SCN9A: variants seen among roughly 807,000 people sequenced by gnomAD.
The protein encoded by SCN9A is sodium channel protein type 9 subunit alpha.
Under a neutral mutation model 187.0 loss-of-function variants are expected in SCN9A, and 131 were observed. That is an observed-to-expected ratio of 0.70 (90% confidence interval 0.61 to 0.81). The LOEUF is 0.81. Ranked by LOEUF, SCN9A falls within the 30% of genes least tolerant of loss-of-function variation. The pLI, the probability that SCN9A is intolerant of heterozygous loss-of-function variation, is 0.00. For synonymous variants in SCN9A, 809 were observed against 808.6 expected (o/e 1.00, Z -0.01); for missense variants, 2,252 against 2,396.6 (o/e 0.94, Z 1.26).
chr2:166,203,836 C>A, intron 26 of SCN9A, 119 bp downstream of exon 26: 1 of 646,686 alleles, frequency 1.5e-6, no homozygotes, highest in Non-Finnish European at 2.6e-6. Context: ...TTCATTCTTT[C>A]ATTGTACTGA....
At chr2:166,204,604 AAT>A (rs1293759189) in intron 24 of SCN9A, 140 bp from the exon 25 acceptor site, 19 of 474,528 alleles carry the variant, frequency 4.0e-5, no homozygotes, top group Non-Finnish European at 6.9e-5. Flanking sequence ...CTATACATAA[AAT>A]ATATCTTAAA....
chr2:166,227,566 T>C, intron 23 of SCN9A, 104 bp downstream of exon 23: 1 of 730,980 alleles, frequency 1.4e-6, no homozygotes, highest in South Asian at 1.5e-5. Context: ...CTTCATTGTC[T>C]ATGTGAGTCC....
At chr2:166,352,741 C>T (rs909365714) in intron 1 of SCN9A, among the ~76,000 whole-genome samples, 6 of 152,110 alleles carry the variant, frequency 3.9e-5, no homozygotes, top group Admixed American at 6.6e-5. Context: ...GAGACTTCCA[C>T]GTTAATCAAA....
chr2:166,311,850 A>T, intron 1 of SCN9A, 44 bp from the exon 2 acceptor site: 1 of 1,244,494 alleles, frequency 8.0e-7, no homozygotes, highest in East Asian at 2.4e-5. Context: ...TTTGCCTGCC[A>T]AGAAAGGCCC....
At chr2:166,270,252 A>G (rs1696915395) in intron 17 of SCN9A, among the ~76,000 whole-genome samples, 1 of 152,176 alleles carries the variant, frequency 6.6e-6, no homozygotes, top group African/African-American at 2.4e-5. Context: ...CAAATAAAAA[A>G]TATAGTAAAA....
chr2:166,196,192 A>T lies in SCN9A; in HGVS notation c.*2480T>A, dbSNP rs1217678009. 1 of 152,174 alleles carries T rather than the reference A, an allele frequency of 6.6e-6. No homozygotes were observed. 9.4% of individuals were successfully genotyped at this position (152,174 alleles called of 1,614,324 possible). On this transcript the variant is annotated 3_prime_UTR_variant, in exon 27 of 27. Coordinates refer to ENST00000642356, the MANE Select transcript of SCN9A (RefSeq NM_001365536.1). ...ATATGACAGTGCCTTCTGAAGGGTG[A>T]AACCATCAGTACAAACAGTAATCTA...
At chr2:166,305,188 G>T (rs574947376) in intron 5 of SCN9A, among the ~76,000 whole-genome samples, 2 of 151,982 alleles carry the variant, frequency 1.3e-5, no homozygotes, top group Non-Finnish European at 2.9e-5. Context: ...CTAGATATGA[G>T]ATTGTAAAAA....
Position 166,228,800 on chromosome 2 carries a change from T to C in SCN9A, c.4097A>G (p.Asn1366Ser). 2 of 1,613,892 alleles carry C rather than the reference T, an allele frequency of 1.2e-6. No individual in the cohort carries two copies. The highest frequency in any genetic ancestry group is 1.1e-5 in the South Asian group (1 of 91,072). The change falls in exon 22 of 27, where the codon AAT (asparagine) becomes AGT (serine). Residue 1366 changes from asparagine (N) to serine (S), a missense_variant. Asn to Ser is a conservative substitution (Grantham distance 46). Transcript: ENST00000642356. ...GSRFPASQVP[N>S]RSECFALMNV... is the part of the protein sequence containing the mutation. ...CATAAGGGCAAAACATTCGGAACGATTTGGAACTTGACTTGCAGGAAACCG... is the reference window on the plus strand; with the variant it reads ...CATAAGGGCAAAACATTCGGAACGACTTGGAACTTGACTTGCAGGAAACCG...
intron 24 of SCN9A, among the ~76,000 whole-genome samples, chr2:166,212,344 T>G (rs1416334498): frequency 6.6e-6 from 1 of 152,160 alleles, no homozygotes; most frequent in African/African-American, 2.4e-5. Flanking sequence ...ACCCTGTAAT[T>G]ATATCAGCCA....
chr2:166,371,649 T>C (rs1700566883), intron 1 of SCN9A, among the ~76,000 whole-genome samples: 1 of 152,220 alleles, frequency 6.6e-6, no homozygotes, highest in African/African-American at 2.4e-5. Context: ...AATTTTATAA[T>C]ATCTATTTTA....
Position 166,199,212 on chromosome 2 carries a change from C to T in SCN9A, c.5427G>A (p.Leu1809=). The change falls in exon 27 of 27, where the codon CTG becomes CTA. Residue 1809 remains leucine, a synonymous_variant. Coordinates refer to ENST00000642356, the MANE Select transcript of SCN9A (RefSeq NM_001365536.1). ...FSKLSDFAAA[L]DPPLLIAKPN... ...GTTTTGCTATGAGAAGAGGAGGATC[C>T]AGGGCAGCTGCAAAATCAGAGAGTT... 6.2e-7 allele frequency: 1 copy of T among 1,614,116 alleles called. No individual in the cohort carries two copies.
chr2:166,338,065 C>T (rs75818857), intron 1 of SCN9A, among the ~76,000 whole-genome samples: 1,575 of 152,122 alleles, frequency 0.01, 35 homozygotes, highest in African/African-American at 0.035. Context: ...AGCTTTCAAA[C>T]GGAGGAGTAG....
chr2:166,215,604 G>A (rs1482875941), intron 24 of SCN9A, among the ~76,000 whole-genome samples: 1 of 151,606 alleles, frequency 6.6e-6, no homozygotes, highest in African/African-American at 2.4e-5. Context: ...ATAAATACAA[G>A]GAATCATAAA....
At chr2:166,340,734 C>T (rs1356014970) in intron 1 of SCN9A, among the ~76,000 whole-genome samples, 1 of 152,014 alleles carries the variant, frequency 6.6e-6, no homozygotes, top group African/African-American at 2.4e-5. Context: ...GACCCTCCCA[C>T]CTCAGCCTCT....
At chr2:166,372,286 C>G (rs1700584132) in intron 1 of SCN9A, among the ~76,000 whole-genome samples, 1 of 152,130 alleles carries the variant, frequency 6.6e-6, no homozygotes, top group Non-Finnish European at 1.5e-5. Flanking sequence ...CCCTTTGTAC[C>G]TGGGGCAAAC....
chr2:166,348,863 C>T lies in SCN9A; in HGVS notation c.-51+26834G>A, dbSNP rs912635380. On this transcript the variant is annotated intron_variant, in intron 1 of 26. Coordinates refer to ENST00000642356, the MANE Select transcript of SCN9A (RefSeq NM_001365536.1). ...AGTAGTGGCCGGGTGCAGTGGCTCACGTCTGTAATCCCAACACTTTGGGAG... is the reference window on the plus strand; with the variant it reads ...AGTAGTGGCCGGGTGCAGTGGCTCATGTCTGTAATCCCAACACTTTGGGAG... Among the ~76,000 whole-genome samples, 3 of 152,212 alleles carry T rather than the reference C, an allele frequency of 2.0e-5. No homozygotes were observed. In the East Asian group the frequency reaches 5.8e-4, roughly 29 times the overall value.
chr2:166,303,812 C>A (rs1191935314), intron 6 of SCN9A, among the ~76,000 whole-genome samples: 3 of 151,876 alleles, frequency 2.0e-5, no homozygotes, highest in African/African-American at 7.3e-5. Flanking sequence ...AAAAACAAAC[C>A]CTCAGACAGG....
At chr2:166,288,112 TATATATATAC>T (rs1019353976) in intron 10 of SCN9A, among the ~76,000 whole-genome samples, 4 of 113,972 alleles carry the variant, frequency 3.5e-5, no homozygotes, top group South Asian at 2.5e-4. Context: ...TATATATATA[TATATATATAC>T]ACACACATTT....
chr2:166,363,796 G>C (rs1336171702), intron 1 of SCN9A, among the ~76,000 whole-genome samples: 2 of 151,982 alleles, frequency 1.3e-5, no homozygotes, highest in Non-Finnish European at 2.9e-5. Context: ...TTTGGCACAT[G>C]GACATGGAAC....
Sources: allele counts gnomAD v4.1 joint callset (sites outside exome capture counted in the v4.1 genomes callset), GRCh38; gene constraint gnomAD v4.1.1; transcripts MANE v1.5; gene names NCBI Gene and HGNC (gene_info 2026-07-23, HGNC 2026-07-21).